The following WNT7B variants were observed in gnomAD, a reference collection of about 807,000 sequenced individuals.
The protein encoded by WNT7B is Wnt family member 7B.
A neutral mutation model predicts 38.2 loss-of-function variants in WNT7B; 19 were observed. The ratio of observed to expected loss-of-function variants is 0.50; its 90% confidence interval spans 0.35 to 0.73. The LOEUF (loss-of-function observed/expected upper bound fraction) is 0.73. Ranked by LOEUF, WNT7B falls within the 30% of genes least tolerant of loss-of-function variation. The pLI is 0.01. For synonymous variants in WNT7B, 243 were observed against 209.3 expected (o/e 1.16, Z -1.39); for missense variants, 423 against 507.9 (o/e 0.83, Z 1.61).
At chr22:45,928,351 C>T (rs565503464) in intron 3 of WNT7B, among the ~76,000 whole-genome samples, 20 of 152,320 alleles carry the variant, frequency 1.3e-4, no homozygotes, top group Non-Finnish European at 2.1e-4. Flanking sequence ...CCACCACCCT[C>T]GGCCTTCTCC....
chr22:45,971,738 G>T (rs978441316), intron 1 of WNT7B, among the ~76,000 whole-genome samples: 4 of 152,170 alleles, frequency 2.6e-5, no homozygotes, highest in Non-Finnish European at 5.9e-5. Context: ...GTGTGAGTGC[G>T]GCTCTCCCAA....
At chr22:45,928,361 C>T (rs1931161311) in intron 3 of WNT7B, among the ~76,000 whole-genome samples, 1 of 152,220 alleles carries the variant, frequency 6.6e-6, no homozygotes, top group Non-Finnish European at 1.5e-5. Flanking sequence ...CGGCCTTCTC[C>T]AAGGGCTCAG....
chr22:45,950,904 C>T (rs9330800), intron 1 of WNT7B, among the ~76,000 whole-genome samples: 82,004 of 152,148 alleles, frequency 0.54, 24,444 homozygotes, highest in African/African-American at 0.8. Flanking sequence ...TACTGTGTGC[C>T]GGGCTTGGCA....
rs922706681 is a variant in WNT7B, at chr22:45,975,362, T to G, written c.71+1322A>C. ...CAGCAGGCTCAATGCCCCGCACCCC[T>G]CACCTCCATAAACAAACACCCAGGG... On this transcript the variant is annotated intron_variant, in intron 1 of 3. Coordinates refer to ENST00000339464, the MANE Select transcript of WNT7B (RefSeq NM_058238.3). The surrounding 1 kb of genome is among the most constrained non-coding windows in gnomAD (Gnocchi z 6.6). Among the ~76,000 whole-genome samples the G allele has an allele frequency of 1.3e-5, 2 of 151,478 alleles. No homozygotes were observed. The highest frequency in any genetic ancestry group is 4.9e-5 in the African/African-American group (2 of 41,206).
At chr22:45,925,814 C>T (rs1174210290) in intron 3 of WNT7B, 4 of 985,322 alleles carry the variant, frequency 4.1e-6, no homozygotes, top group Admixed American at 1.2e-4. Flanking sequence ...CCGGGCTGCT[C>T]ACCCTCCTCA....
intron 3 of WNT7B, among the ~76,000 whole-genome samples, chr22:45,930,616 A>G (rs1426001043): frequency 6.6e-6 from 1 of 152,166 alleles, no homozygotes; most frequent in Non-Finnish European, 1.5e-5. Flanking sequence ...GCTCCCCAGC[A>G]GCCCCCGGCT....
Position 45,931,320 on chromosome 22 carries a change from C to T in WNT7B, c.348G>A (p.Ala116=), listed in dbSNP as rs754224066. ...FTYAITAAGV[A]HAVTAACSQG... ...GGCTGCAGGCAGCGGTGACGGCGTGCGCCACGCCAGCCGCGGTGATGGCGT... is the reference window on the plus strand; with the variant it reads ...GGCTGCAGGCAGCGGTGACGGCGTGTGCCACGCCAGCCGCGGTGATGGCGT... The change falls in exon 3 of 4, where the codon GCG becomes GCA. Residue 116 remains alanine, a synonymous_variant. Coordinates refer to ENST00000339464, the MANE Select transcript of WNT7B (RefSeq NM_058238.3). 12 of 1,596,552 alleles carry T rather than the reference C, an allele frequency of 7.5e-6. No individual in the cohort carries two copies. The highest frequency in any genetic ancestry group is 4.0e-5 in the African/African-American group (3 of 74,888).
rs1298631728 is a variant in WNT7B, at chr22:45,921,569, G to A, written c.*1287C>T. The A allele has an allele frequency of 3.3e-5, 5 of 152,188 alleles. No homozygotes were observed. Among genetic ancestry groups the A allele is most frequent in the Non-Finnish European group, 7.3e-5 (5 of 68,048 alleles). 9.4% of individuals were successfully genotyped at this position (152,188 alleles called of 1,614,324 possible). The stretch of plus-strand genomic sequence containing the variant: ...GCCTCAGAGTTCCCATCTGTCAAGT[G>A]GGACAAACATCCCTGACCACTCACC... On this transcript the variant is annotated 3_prime_UTR_variant, in exon 4 of 4. Coordinates refer to ENST00000339464, the MANE Select transcript of WNT7B (RefSeq NM_058238.3).
chr22:45,929,754 ATTC>A, intron 3 of WNT7B, among the ~76,000 whole-genome samples: 8 of 149,890 alleles, frequency 5.3e-5, no homozygotes, highest in East Asian at 2.0e-4. Context: ...CCATCCTTTC[ATTC>A]ATCTGTCTAC....
At chr22:45,948,792 G>A (rs1325010523) in intron 2 of WNT7B, among the ~76,000 whole-genome samples, 2 of 146,924 alleles carry the variant, frequency 1.4e-5, no homozygotes, top group African/African-American at 2.5e-5. Context: ...AGGTCACACA[G>A]CTGGATTCAA....
chr22:45,948,827 C>CCTTTTTTTTTTTTTTTTTTTT (rs1931857475), intron 2 of WNT7B, among the ~76,000 whole-genome samples: 2 of 90,102 alleles, frequency 2.2e-5, no homozygotes, highest in African/African-American at 7.8e-5. Flanking sequence ...CCAAAGATCC[C>CCTTTTTTTTTTTTTTTTTTTT]TTTTTTTTTT....
chr22:45,958,467 C>T (rs1486328938), intron 1 of WNT7B, among the ~76,000 whole-genome samples: 2 of 152,342 alleles, frequency 1.3e-5, no homozygotes, highest in East Asian at 3.9e-4. Flanking sequence ...TAACCTAAAT[C>T]CCTCATGCTG....
chr22:45,960,910 G>T (rs984389763), intron 1 of WNT7B, among the ~76,000 whole-genome samples: 3 of 152,202 alleles, frequency 2.0e-5, no homozygotes, highest in African/African-American at 4.8e-5. Context: ...CTGAGTATGG[G>T]GCAGGGGCTG....
intron 2 of WNT7B, among the ~76,000 whole-genome samples, chr22:45,942,964 T>TGTGTGTGC (rs1049753641): frequency 6.7e-6 from 1 of 149,006 alleles, no homozygotes; most frequent in Admixed American, 6.6e-5. Context: ...AGTGTGCATG[T>TGTGTGTGC]GTGTGTGCGT....
intron 1 of WNT7B, among the ~76,000 whole-genome samples, chr22:45,968,968 C>G (rs538695954): frequency 6.6e-6 from 1 of 152,218 alleles, no homozygotes; most frequent in Non-Finnish European, 1.5e-5. Context: ...CCTGGATAGA[C>G]GCAGACCCTC....
intron 2 of WNT7B, among the ~76,000 whole-genome samples, chr22:45,949,076 C>T (rs542092828): frequency 6.6e-6 from 1 of 151,466 alleles, no homozygotes; most frequent in African/African-American, 2.4e-5. Context: ...GGTGATCCAC[C>T]CCCCTCGTCC....
At chr22:45,927,673 A>C (rs1166836889) in intron 3 of WNT7B, 1 of 717,266 alleles carries the variant, frequency 1.4e-6, no homozygotes, top group Admixed American at 2.0e-5. Flanking sequence ...AGGCGGGCAG[A>C]TCACCTGAGG....
chr22:45,939,978 G>A (rs1198595128), intron 2 of WNT7B, among the ~76,000 whole-genome samples: 1 of 152,180 alleles, frequency 6.6e-6, no homozygotes, highest in Non-Finnish European at 1.5e-5. Flanking sequence ...GGGGCGAGAG[G>A]ACTGGGACTG....
intron 3 of WNT7B, chr22:45,926,695 C>A (rs1016467583): frequency 2.0e-6 from 2 of 980,466 alleles, no homozygotes; most frequent in Non-Finnish European, 2.4e-6. Flanking sequence ...CCGGTCCCTG[C>A]CCCTAAGTAA....
Sources: allele counts gnomAD v4.1 joint callset (sites outside exome capture counted in the v4.1 genomes callset), GRCh38; gene constraint gnomAD v4.1.1; non-coding constraint Gnocchi (gnomAD v3.1); transcripts MANE v1.5; gene names NCBI Gene and HGNC (gene_info 2026-07-23, HGNC 2026-07-21).